The following ADGRE1 variants were observed in gnomAD, a reference collection of about 807,000 sequenced individuals.
The protein encoded by ADGRE1 is adhesion G protein-coupled receptor E1, also known as EGF-like module receptor 1.
In ADGRE1, 82 loss-of-function variants were observed where a neutral mutation model predicts 102.7. The ratio of observed to expected loss-of-function variants is 0.80; its 90% CI spans 0.67 to 0.96. The LOEUF (loss-of-function observed/expected upper bound fraction) is 0.96. ADGRE1 is among the 40% of genes least tolerant of loss of function. ADGRE1 has a pLI of 0.00. For missense variants in ADGRE1, 1,032 were observed against 1,085.3 expected, an observed-to-expected ratio of 0.95 and a Z score of 0.69; for synonymous variants, 398 against 399.6, an observed-to-expected ratio of 1.00 and a Z score of 0.05.
chr19:6,928,328 A>C, intron 17 of ADGRE1, 117 bp downstream of exon 17: 1 of 1,590,594 alleles, frequency 6.3e-7, no homozygotes, highest in Non-Finnish European at 8.5e-7. Flanking sequence ...ATTCCCATCA[A>C]AAGTTCTCCT....
intron 14 of ADGRE1, among the ~76,000 whole-genome samples, chr19:6,924,366 T>C (rs1179487986): frequency 6.6e-6 from 1 of 152,182 alleles, no homozygotes; most frequent in African/African-American, 2.4e-5. Flanking sequence ...CCTTCACAGA[T>C]GTATCTCACT....
Position 6,924,838 on chromosome 19 carries a change from T to A in ADGRE1, c.1952T>A (p.Leu651His), listed in dbSNP as rs757079012. The part of the protein sequence containing the change: ...LCVCLLLAKT[L>H]FLAGIHKTDN... ...GTGTGTCTCCTCTTGGCGAAGACTC[T>A]CTTCCTCGCCGGTATACACAAGACT... The change falls in exon 15 of 21, where the codon CTC (leucine) becomes CAC (histidine). Residue 651 changes from leucine (L) to histidine (H), a missense_variant. By Grantham distance (99) the Leu-to-His change is moderately conservative (BLOSUM62 -3). Coordinates refer to ENST00000312053, the MANE Select transcript of ADGRE1 (RefSeq NM_001974.5). The A allele has an allele frequency of 6.2e-7, 1 of 1,614,164 alleles. No homozygotes were observed. The highest frequency in any genetic ancestry group is 8.5e-7 in the Non-Finnish European group (1 of 1,180,038).
chr19:6,918,309 C>T (rs1302878156), intron 12 of ADGRE1, among the ~76,000 whole-genome samples: 4 of 151,426 alleles, frequency 2.6e-5, no homozygotes, highest in East Asian at 1.9e-4. Flanking sequence ...GGTGTGGTCT[C>T]GGGTGCCTGT....
Position 6,924,799 on chromosome 19 carries a change from A to C in ADGRE1, c.1913A>C (p.His638Pro). The change falls in exon 15 of 21, where the codon CAC becomes CCC. Residue 638 changes from histidine to proline, a missense_variant. Transcript: ENST00000312053. ...RSIRNHNTYL[H>P]LHLCVCLLLA... ...ATCCGAAATCACAACACCTACCTCCACCTGCACCTCTGCGTGTGTCTCCTC... is the reference window on the plus strand; with the variant it reads ...ATCCGAAATCACAACACCTACCTCCCCCTGCACCTCTGCGTGTGTCTCCTC... 1 of 1,613,666 alleles carries C rather than the reference A, an allele frequency of 6.2e-7. No individual in the cohort carries two copies. The highest frequency in any genetic ancestry group is 8.5e-7 in the Non-Finnish European group (1 of 1,179,930).
At chr19:6,891,411 A>G (rs1973363563) in intron 2 of ADGRE1, among the ~76,000 whole-genome samples, 1 of 151,598 alleles carries the variant, frequency 6.6e-6, no homozygotes, top group African/African-American at 2.4e-5. Flanking sequence ...TCTTTGGGCA[A>G]CTTAGCAACT....
chr19:6,938,350 A>ATT (rs1975519676), intron 20 of ADGRE1, among the ~76,000 whole-genome samples: 2 of 151,828 alleles, frequency 1.3e-5, no homozygotes, highest in Admixed American at 6.6e-5. Flanking sequence ...AAAAAAATTA[A>ATT]ATAAATATAG....
At position 6,937,543 on chromosome 19, in the gene ADGRE1, G is replaced by A; in HGVS notation, c.2551-1G>A. The A allele has an allele frequency of 6.2e-7, 1 of 1,612,194 alleles. No homozygotes were observed. The highest frequency in any genetic ancestry group is 8.5e-7 in the Non-Finnish European group (1 of 1,179,178). On this transcript the variant is annotated splice_acceptor_variant, in intron 19 of 20. Transcript: ENST00000312053. LOFTEE classifies it high-confidence loss of function. Reference sequence around the variant, plus strand: ...TCTGGATGATGTGTCTCCTTCTCCAGGTACGAGAAGAATACAAGAGGTGGA... The same window carrying A: ...TCTGGATGATGTGTCTCCTTCTCCAAGTACGAGAAGAATACAAGAGGTGGA...
intron 12 of ADGRE1, among the ~76,000 whole-genome samples, chr19:6,917,301 C>A (rs528018451): frequency 1.3e-5 from 2 of 151,990 alleles, no homozygotes; most frequent in Non-Finnish European, 2.9e-5. Flanking sequence ...TAAGCGAAGT[C>A]CTGAGGAATA....
intron 17 of ADGRE1, among the ~76,000 whole-genome samples, chr19:6,930,552 T>A (rs562393671): frequency 6.6e-6 from 1 of 152,276 alleles, no homozygotes; most frequent in Admixed American, 6.5e-5. Flanking sequence ...GTCAACGAGG[T>A]ATCTGTCCCC....
In ADGRE1 at chr19:6,935,503, C is replaced by T. The variant is rs192726475; in HGVS notation, c.2381+425C>T. Among the ~76,000 whole-genome samples the T allele has an allele frequency of 9.2e-5, 14 of 152,040 alleles. No homozygotes were observed. In the East Asian group the frequency reaches 1.2e-3, roughly 13 times the overall value. ...TTGTTTTTTATGGTTTTTTTTCTCTCGAGAATGTCCTGATGATTTCTGACT... is the reference window on the plus strand; with the variant it reads ...TTGTTTTTTATGGTTTTTTTTCTCTTGAGAATGTCCTGATGATTTCTGACT... On this transcript the variant is annotated intron_variant, in intron 18 of 20. Transcript: ENST00000312053.
intron 17 of ADGRE1, among the ~76,000 whole-genome samples, chr19:6,933,723 G>A (rs1333867837): frequency 1.3e-5 from 2 of 152,038 alleles, no homozygotes; most frequent in African/African-American, 4.8e-5. Context: ...AGAGAGGTGG[G>A]TTCTACTGCC....
chr19:6,919,480 GTT>G, intron 12 of ADGRE1, 66 bp from the exon 13 acceptor site: 1 of 1,050,076 alleles, frequency 9.5e-7, no homozygotes. Flanking sequence ...GTGTGTGTGT[GTT>G]GGGTCTTCTA....
chr19:6,897,589 T>TTAAGGG (rs756938753), intron 5 of ADGRE1, 42 bp downstream of exon 5: 5 of 1,484,900 alleles, frequency 3.4e-6, no homozygotes, highest in Middle Eastern at 1.8e-4. Context: ...ACTTAATTAA[T>TTAAGGG]TAAGGGTCAT....
At position 6,926,391 on chromosome 19, in the gene ADGRE1, T is replaced by A. The variant is rs1974913641; in HGVS notation, c.2012T>A (p.Phe671Tyr). 1 of 1,614,086 alleles carries A rather than the reference T, an allele frequency of 6.2e-7. No individual in the cohort carries two copies. The highest frequency in any genetic ancestry group is 8.5e-7 in the Non-Finnish European group (1 of 1,180,056). The change falls in exon 16 of 21, where the codon TTC becomes TAC. Residue 671 changes from phenylalanine to tyrosine, a missense_variant. Coordinates refer to ENST00000312053, the MANE Select transcript of ADGRE1 (RefSeq NM_001974.5). Reference protein sequence around the residue: ...NKMGCAIIAGFLHYLFLACFF... With the variant: ...NKMGCAIIAGYLHYLFLACFF... ...ATGGGCTGCGCCATCATCGCGGGCTTCCTGCACTACCTTTTCCTTGCCTGC... is the reference window on the plus strand; with the variant it reads ...ATGGGCTGCGCCATCATCGCGGGCTACCTGCACTACCTTTTCCTTGCCTGC...
At chr19:6,910,218 T>C (rs1974119465) in intron 10 of ADGRE1, among the ~76,000 whole-genome samples, 1 of 152,098 alleles carries the variant, frequency 6.6e-6, no homozygotes, top group Non-Finnish European at 1.5e-5. Flanking sequence ...AGATTAAATT[T>C]TGATAAATGA....
intron 9 of ADGRE1, among the ~76,000 whole-genome samples, chr19:6,908,223 C>T (rs563512976): frequency 1.1e-4 from 16 of 152,344 alleles, no homozygotes; most frequent in Non-Finnish European, 1.8e-4. Context: ...CCCATCCCTT[C>T]GTTTCCCATA....
chr19:6,900,708 A>G (rs140987012), intron 5 of ADGRE1, among the ~76,000 whole-genome samples: 35 of 152,196 alleles, frequency 2.3e-4, no homozygotes, highest in African/African-American at 8.2e-4. Context: ...CATTTATGGG[A>G]TGGTGACTCC....
At position 6,897,253 on chromosome 19, in the gene ADGRE1, C is replaced by G. The variant is rs755844453; in HGVS notation, c.343C>G (p.Pro115Ala). The G allele has an allele frequency of 1.9e-6, 3 of 1,613,798 alleles. No homozygotes were observed. In the South Asian group the frequency reaches 3.3e-5, roughly 18 times the overall value. The change falls in exon 4 of 21, where the codon CCC becomes GCC. Residue 115 changes from proline (P) to alanine (A), a missense_variant. Coordinates refer to ENST00000312053, the MANE Select transcript of ADGRE1 (RefSeq NM_001974.5). Reference protein sequence around the residue: ...KCSCLDGFSSPTGNDWVPGKP... With the variant: ...KCSCLDGFSSATGNDWVPGKP... Reference sequence around the variant, plus strand: ...CAGCTGTTTAGATGGTTTCTCTTCTCCCACTGGAAATGACTGGGTCCCAGG... The same window carrying G: ...CAGCTGTTTAGATGGTTTCTCTTCTGCCACTGGAAATGACTGGGTCCCAGG...
In ADGRE1 at chr19:6,937,635, C is replaced by A. The variant is rs778817915; in HGVS notation, c.2642C>A (p.Ser881Tyr). The stretch of plus-strand genomic sequence containing the variant: ...AGGATCTTGCTGTCCTCCATGCCAT[C>A]CGCTTCCAAGACGGTGAGAGACTGC... ...TSRILLSSMP[S>Y]ASKTG Residue 881 changes from serine (S) to tyrosine (Y), a missense_variant, in exon 20 of 21, where the codon TCC (serine) becomes TAC (tyrosine). By Grantham distance (144) the Ser-to-Tyr change is moderately radical. Coordinates refer to ENST00000312053, the MANE Select transcript of ADGRE1 (RefSeq NM_001974.5). 6.2e-7 allele frequency: 1 copy of A among 1,614,102 alleles called. No homozygotes were observed. The highest frequency in any genetic ancestry group is 1.1e-5 in the South Asian group (1 of 91,074).
Sources: allele counts gnomAD v4.1 joint callset (sites outside exome capture counted in the v4.1 genomes callset), GRCh38; gene constraint gnomAD v4.1.1; transcripts MANE v1.5; gene names NCBI Gene and HGNC (gene_info 2026-07-23, HGNC 2026-07-21).